KNDC1: variants seen among roughly 807,000 people sequenced by gnomAD.
The protein encoded by KNDC1 is kinase non-catalytic C-lobe domain containing 1.
In KNDC1, 106 loss-of-function variants were observed where a neutral mutation model predicts 172.8. The observed-to-expected ratio is 0.61, with a 90% CI of 0.52 to 0.72. KNDC1 has a LOEUF of 0.72. Among genes scored for constraint, KNDC1 ranks in the 30% least tolerant of loss-of-function variants. The pLI is 0.00. For missense variants in KNDC1, 2,325 were observed against 2,394.5 expected (o/e 0.97, Z 0.61); for synonymous variants, 1,083 against 1,062.2 (o/e 1.02, Z -0.38).
At position 133,224,843 on chromosome 10, in the gene KNDC1, C is replaced by A. The variant is rs149053920; in HGVS notation, c.5203C>A (p.Arg1735=). 1 of 1,614,036 alleles carries A rather than the reference C, an allele frequency of 6.2e-7. No individual in the cohort carries two copies. Among genetic ancestry groups the A allele is most frequent in the African/African-American group, 1.3e-5 (1 of 75,046 alleles). Residue 1735 remains arginine (R), a synonymous_variant, in exon 30 of 30, where the codon CGG becomes AGG. Coordinates refer to ENST00000304613, the MANE Select transcript of KNDC1 (RefSeq NM_152643.8). The surrounding 1 kb of genome is among the most constrained non-coding windows in gnomAD (Gnocchi z 5.4). ...FHQVSSEKHS[R]KIQDKLRRMK... ...CCAGGTCTCCAGCGAGAAGCACTCACGGAAGATTCAGGACAAGCTACGGAG... is the reference window on the plus strand; with the variant it reads ...CCAGGTCTCCAGCGAGAAGCACTCAAGGAAGATTCAGGACAAGCTACGGAG...
At chr10:133,167,263 A>C in intron 1 of KNDC1, 118 bp from the exon 2 acceptor site, 1 of 924,934 alleles carries the variant, frequency 1.1e-6, no homozygotes, top group South Asian at 1.6e-5. Flanking sequence ...CCTTTCCCTG[A>C]CCCACGCGTT....
rs144149557 is a variant in KNDC1 at position 133,168,291 on chromosome 10, C to G, written c.339C>G (p.Asp113Glu). 2 of 1,614,152 alleles carry G rather than the reference C, an allele frequency of 1.2e-6. No individual in the cohort carries two copies. The highest frequency in any genetic ancestry group is 1.7e-6 in the Non-Finnish European group (2 of 1,180,012). ...PEGAFVPPEF[D>E]VTGNTFEAHI... ...GTGCCTTCGTTCCCCCCGAGTTCGA[C>G]GTGACCGGGAACACCTTTGAGGTAA... is the stretch of plus-strand genomic sequence containing the variant. The change falls in exon 3 of 30, where the codon GAC becomes GAG. Residue 113 changes from aspartate (D) to glutamate (E), a missense_variant. Coordinates refer to ENST00000304613, the MANE Select transcript of KNDC1 (RefSeq NM_152643.8).
intron 23 of KNDC1, among the ~76,000 whole-genome samples, chr10:133,212,211 CAT>C (rs1461448066): frequency 6.6e-6 from 1 of 151,800 alleles, no homozygotes; most frequent in African/African-American, 2.4e-5. Flanking sequence ...CACCCTCACA[CAT>C]ATCCACACCT....
intron 26 of KNDC1, 53 bp downstream of exon 26, chr10:133,214,175 G>T: frequency 6.3e-7 from 1 of 1,594,360 alleles, no homozygotes; most frequent in Non-Finnish European, 8.6e-7. Context: ...CCACCTACGC[G>T]GGGGTGGCAG....
intron 15 of KNDC1, 74 bp downstream of exon 15, chr10:133,199,676 C>A: frequency 4.6e-6 from 7 of 1,528,514 alleles, no homozygotes; most frequent in Non-Finnish European, 6.2e-6. Flanking sequence ...CTGCCTGACC[C>A]GGGCCCAGCC....
intron 29 of KNDC1, among the ~76,000 whole-genome samples, chr10:133,222,199 C>T (rs537528716): frequency 2.3e-4 from 32 of 141,772 alleles, no homozygotes; most frequent in Admixed American, 2.2e-3. Context: ...AGGAGAATGG[C>T]GTGAACCCGG....
chr10:133,168,345 C>A (rs761724684), intron 3 of KNDC1, 33 bp downstream of exon 3: 9 of 1,587,422 alleles, frequency 5.7e-6, no homozygotes, highest in Non-Finnish European at 7.8e-6. Context: ...TGCCACACCC[C>A]CCTTTTACCT....
chr10:133,197,305 T>TCTC (rs111526664), intron 11 of KNDC1, among the ~76,000 whole-genome samples, 170 bp downstream of exon 11: 7,697 of 152,188 alleles, frequency 0.051, 226 homozygotes, highest in Non-Finnish European at 0.063. Context: ...TCGAGTCCCA[T>TCTC]CTAAAGGCCC....
intron 3 of KNDC1, among the ~76,000 whole-genome samples, chr10:133,168,821 C>T (rs3008305): frequency 0.53 from 80,341 of 152,078 alleles, 21,623 homozygotes; most frequent in Admixed American, 0.63. Context: ...GGGGCCTCAC[C>T]GGCAGAGTCA....
intron 3 of KNDC1, among the ~76,000 whole-genome samples, chr10:133,182,956 C>T (rs1187990577): frequency 3.5e-5 from 5 of 141,510 alleles, no homozygotes; most frequent in African/African-American, 1.0e-4. Context: ...TGGGCACAGG[C>T]GGTGTGGGCA....
intron 1 of KNDC1, among the ~76,000 whole-genome samples, chr10:133,165,653 G>A (rs1038054526): frequency 3.3e-5 from 5 of 152,242 alleles, no homozygotes; most frequent in Non-Finnish European, 7.3e-5. Context: ...GTGCACGGGA[G>A]TGTGTACATA....
chr10:133,186,939 C>T (rs903576488), intron 6 of KNDC1, among the ~76,000 whole-genome samples: 12 of 152,288 alleles, frequency 7.9e-5, no homozygotes, highest in Admixed American at 4.6e-4. Context: ...CAGCCCTGCC[C>T]GGCTCCTCAC....
At chr10:133,178,069 C>A (rs1853605279) in intron 3 of KNDC1, among the ~76,000 whole-genome samples, 1 of 147,854 alleles carries the variant, frequency 6.8e-6, no homozygotes, top group Non-Finnish European at 1.5e-5. Flanking sequence ...GTGTAGCGTG[C>A]ATGTGTGTGC....
At chr10:133,177,193 C>T (rs1002804867) in intron 3 of KNDC1, among the ~76,000 whole-genome samples, 2 of 141,380 alleles carry the variant, frequency 1.4e-5, no homozygotes, top group South Asian at 2.1e-4. Context: ...GTCATGTGCA[C>T]GTGTATGTAG....
chr10:133,215,473 G>A lies in KNDC1; in HGVS notation c.4677+1351G>A, dbSNP rs75956652. ...CCAACTTTGGGGATTTGTCGCCAGG[G>A]CACGCCAGCACGGGGCGTGGGAACA... On this transcript the variant is annotated intron_variant, in intron 26 of 29. Coordinates refer to ENST00000304613, the MANE Select transcript of KNDC1 (RefSeq NM_152643.8). Among the ~76,000 whole-genome samples, 14 of 152,372 alleles carry A rather than the reference G, an allele frequency of 9.2e-5. No individual in the cohort carries two copies. In the East Asian group the frequency reaches 2.7e-3, roughly 29 times the overall value.
At chr10:133,199,314 G>A in intron 14 of KNDC1, 48 bp downstream of exon 14, 1 of 1,544,262 alleles carries the variant, frequency 6.5e-7, no homozygotes, top group East Asian at 2.3e-5. Context: ...GCCAGGGAGA[G>A]CCCCACAGGG....
chr10:133,195,138 T>TA (rs1373908217), intron 9 of KNDC1, among the ~76,000 whole-genome samples: 1 of 152,240 alleles, frequency 6.6e-6, no homozygotes, highest in Non-Finnish European at 1.5e-5. Context: ...CTGTGGAACT[T>TA]ACAAAACGTG....
At chr10:133,195,942 G>A (rs1564889017) in intron 10 of KNDC1, 121 bp downstream of exon 10, 2 of 1,038,996 alleles carry the variant, frequency 1.9e-6, no homozygotes, top group Admixed American at 3.2e-5. Context: ...AGGCCACCAG[G>A]TCTGTTTCTA....
At chr10:133,160,595 C>T in intron 1 of KNDC1, 26 bp downstream of exon 1, 1 of 1,502,768 alleles carries the variant, frequency 6.7e-7, no homozygotes, top group African/African-American at 1.4e-5. Context: ...CACTGGGGGG[C>T]CCCTTCCGCC....
Sources: gnomAD v4.1 joint callset for allele counts (sites outside exome capture counted in the v4.1 genomes callset) on GRCh38, gnomAD v4.1.1 for gene constraint, Gnocchi (gnomAD v3.1) non-coding constraint, MANE v1.5 for transcripts, NCBI Gene and HGNC (gene_info 2026-07-23, HGNC 2026-07-21) for gene names.